The following SLC27A2 variants were observed in gnomAD, a reference collection of about 807,000 sequenced individuals.
SLC27A2 encodes the protein solute carrier family 27 member 2.
SLC27A2 carries 54 observed loss-of-function variants against 60.0 expected under a neutral mutation model. That is an observed-to-expected ratio of 0.90 (90% CI 0.72 to 1.13). The LOEUF (loss-of-function observed/expected upper bound fraction) is 1.13, where lower values mean the gene tolerates loss of function less well. Among genes scored for constraint, SLC27A2 ranks in the 50% most tolerant of loss-of-function variants. The pLI, the probability that SLC27A2 is intolerant of heterozygous loss-of-function variation, is 0.00. For synonymous variants in SLC27A2, 297 were observed against 297.6 expected, an observed-to-expected ratio of 1.00 and a Z score of 0.02; for missense variants, 739 against 777.6, an observed-to-expected ratio of 0.95 and a Z score of 0.59.
intron 9 of SLC27A2, among the ~76,000 whole-genome samples, chr15:50,235,629 C>A (rs769679690): frequency 4.6e-5 from 7 of 152,312 alleles, no homozygotes; most frequent in South Asian, 2.1e-4. Flanking sequence ...GCCCCTACCA[C>A]AAAAATGATA....
At chr15:50,196,068 AAAAAAAAAAATATATATATATATATAT>A (rs1269693104) in intron 1 of SLC27A2, among the ~76,000 whole-genome samples, 10 of 17,180 alleles carry the variant, frequency 5.8e-4, no homozygotes, top group South Asian at 2.6e-3. Flanking sequence ...AAAAAAAAAA[AAAAAAAAAAATATATATATATATATAT>A]ATATATATAT....
intron 1 of SLC27A2, 92 bp downstream of exon 1, chr15:50,182,997 AG>A: frequency 3.1e-6 from 4 of 1,308,566 alleles, no homozygotes; most frequent in Non-Finnish European, 4.2e-6. Context: ...TCGCAGAGGG[AG>A]GTTCAGATCG....
chr15:50,219,488 G>A (rs1274591015), intron 4 of SLC27A2, among the ~76,000 whole-genome samples: 1 of 151,338 alleles, frequency 6.6e-6, no homozygotes, highest in African/African-American at 2.4e-5. Flanking sequence ...GTAAGGAGGG[G>A]CAGCACAGTG....
chr15:50,189,030 C>G lies in SLC27A2; in HGVS notation c.478+6125C>G, dbSNP rs12908631. 6.2e-3 allele frequency among the ~76,000 whole-genome samples: 863 copies of G among 140,170 alleles called. 10 individuals carry two copies. Among genetic ancestry groups the G allele is most frequent in the African/African-American group, 0.021 (810 of 38,024 alleles). The allele number at this position is 140,170 out of a possible 152,430, so 92.0% of individuals were successfully genotyped here. A position where few individuals can be genotyped will look rare whatever the true frequency, so the allele number is the denominator to read the frequency against. On this transcript the variant is annotated intron_variant, in intron 1 of 9. Coordinates refer to ENST00000267842, the MANE Select transcript of SLC27A2 (RefSeq NM_003645.4). ...AGATAGATAGATAGATAGATAGATG[C>G]ATACAAACATACATACATACATACA... is the stretch of plus-strand genomic sequence containing the variant.
intron 4 of SLC27A2, among the ~76,000 whole-genome samples, chr15:50,206,709 C>T (rs186021802): frequency 0.01 from 1,589 of 152,300 alleles, 18 homozygotes; most frequent in Non-Finnish European, 0.016. Context: ...CGCATATGAG[C>T]AGGGGCTCTG....
intron 1 of SLC27A2, among the ~76,000 whole-genome samples, chr15:50,192,963 C>T (rs1255325387): frequency 6.6e-6 from 1 of 152,102 alleles, no homozygotes; most frequent in Non-Finnish European, 1.5e-5. Flanking sequence ...CTTCTCTCTA[C>T]CCACACTGCT....
chr15:50,213,563 T>C (rs1325444584), intron 4 of SLC27A2, among the ~76,000 whole-genome samples: 3 of 152,096 alleles, frequency 2.0e-5, no homozygotes, highest in Non-Finnish European at 2.9e-5. Flanking sequence ...TGGTGGCCCA[T>C]AAAATGAACT....
chr15:50,182,664 C>A lies in SLC27A2; in HGVS notation c.237C>A (p.Leu79=), dbSNP rs2044870725. The change falls in exon 1 of 10, where the codon CTC becomes CTA. Residue 79 remains leucine (L), a synonymous_variant. Transcript: ENST00000267842. ...KPFLLFRDET[L]TYAQVDRRSN... ...TTCTGCTCTTCCGCGACGAGACTCT[C>A]ACCTACGCGCAGGTGGACCGGCGCA... 5.0e-6 allele frequency: 8 copies of A among 1,613,904 alleles called. No individual in the cohort carries two copies. Among genetic ancestry groups the A allele is most frequent in the Non-Finnish European group, 3.4e-6 (4 of 1,179,940 alleles).
rs1045974258 is a variant in SLC27A2 at position 50,204,923 on chromosome 15, A to AAT, written c.848-303_848-302dup. Among the ~76,000 whole-genome samples, 861 of 146,816 alleles carry AAT rather than the reference A, an allele frequency of 5.9e-3. 5 individuals are homozygous for AAT. The highest frequency in any genetic ancestry group is 0.016 in the African/African-American group (666 of 40,426). On this transcript the variant is annotated intron_variant, in intron 3 of 9. Transcript: ENST00000267842. ...CATATATTTAGTATATATATAATAT[A>AAT]ATATATATATATATTGCATGAAATC... is the stretch of plus-strand genomic sequence containing the variant.
Position 50,233,905 on chromosome 15 carries a change from G to T in SLC27A2, c.1593G>T (p.Met531Ile), listed in dbSNP as rs748810155. The change falls in exon 9 of 10, where the codon ATG becomes ATT. Residue 531 changes from methionine to isoleucine, a missense_variant. Physicochemically the swap from Met to Ile is conservative, Grantham distance 10 (BLOSUM62 1). Transcript: ENST00000267842. The stretch of plus-strand genomic sequence containing the variant: ...GCATTGGCATGGCCTCCATCAAAAT[G>T]AAAGAAAACCATGAATTTGATGGAA... ...EGRIGMASIK[M>I]KENHEFDGKK... 5 of 1,613,730 alleles carry T rather than the reference G, an allele frequency of 3.1e-6. No homozygotes were observed. Among genetic ancestry groups the T allele is most frequent in the Non-Finnish European group, 4.2e-6 (5 of 1,179,856 alleles).
At chr15:50,206,679 C>T (rs1047220741) in intron 4 of SLC27A2, among the ~76,000 whole-genome samples, 4 of 152,170 alleles carry the variant, frequency 2.6e-5, no homozygotes, top group Non-Finnish European at 5.9e-5. Context: ...TGCCCCCCCT[C>T]GCCCCAATTA....
intron 1 of SLC27A2, among the ~76,000 whole-genome samples, chr15:50,189,793 G>A (rs2044959241): frequency 6.6e-6 from 1 of 152,190 alleles, no homozygotes; most frequent in Non-Finnish European, 1.5e-5. Context: ...ATCATTGGTA[G>A]AAAGATGACA....
rs1259961446 is a variant in SLC27A2, at chr15:50,223,007, A to AAT, written c.1016_1017dup (p.Gly340MetfsTer34). On this transcript the variant is annotated frameshift_variant, in exon 5 of 10. Transcript: ENST00000267842. LOFTEE classifies it high-confidence loss of function. ...TCATAAAGTGAGACTGGCACTGGGA[A>AAT]ATGGCTTACGAGGAGATGTGTGGAG... 6.2e-7 allele frequency: 1 copy of AAT among 1,613,634 alleles called. No individual in the cohort carries two copies. The highest frequency in any genetic ancestry group is 8.5e-7 in the Non-Finnish European group (1 of 1,179,802).
At chr15:50,232,018 A>T (rs1212932679) in intron 8 of SLC27A2, among the ~76,000 whole-genome samples, 2 of 152,232 alleles carry the variant, frequency 1.3e-5, no homozygotes. Context: ...GATAAATTCT[A>T]AAGTCCCTCC....
At chr15:50,228,000 C>T (rs1340840973) in intron 7 of SLC27A2, among the ~76,000 whole-genome samples, 1 of 152,164 alleles carries the variant, frequency 6.6e-6, no homozygotes, top group Non-Finnish European at 1.5e-5. Flanking sequence ...AGGGTCCTTC[C>T]ATCTCTACTA....
Position 50,182,773 on chromosome 15 carries a change from G to C in SLC27A2, c.346G>C (p.Ala116Pro). The C allele has an allele frequency of 1.2e-6, 2 of 1,613,876 alleles. No homozygotes were observed. Among genetic ancestry groups the C allele is most frequent in the African/African-American group, 1.3e-5 (1 of 75,066 alleles). Residue 116 changes from alanine (A) to proline (P), a missense_variant, in exon 1 of 10, where the codon GCC (alanine) becomes CCC (proline). Coordinates refer to ENST00000267842, the MANE Select transcript of SLC27A2 (RefSeq NM_003645.4). ...GGCGCTCCTTATGGGTAACGAGCCG[G>C]CCTACGTGTGGCTGTGGCTGGGGCT... The part of the protein sequence containing the change: ...CVALLMGNEP[A>P]YVWLWLGLVK...
intron 9 of SLC27A2, 58 bp downstream of exon 9, chr15:50,234,056 A>C: frequency 1.4e-6 from 2 of 1,470,790 alleles, no homozygotes; most frequent in Non-Finnish European, 1.8e-6. Context: ...CCTACCACTT[A>C]GGGAACAACT....
Position 50,235,918 on chromosome 15 carries a change from A to G in SLC27A2, c.1687-2A>G. 6.2e-7 allele frequency: 1 copy of G among 1,603,744 alleles called. No individual in the cohort carries two copies. Among genetic ancestry groups the G allele is most frequent in the Non-Finnish European group, 8.5e-7 (1 of 1,172,918 alleles). On this transcript the variant is annotated splice_acceptor_variant, in intron 9 of 9. Coordinates refer to ENST00000267842, the MANE Select transcript of SLC27A2 (RefSeq NM_003645.4). LOFTEE classifies it high-confidence loss of function. ...AAATGTGGATTATTTGATGTTTTTC[A>G]GGACACCATTGAGATCACTGGAACT...
In SLC27A2 at chr15:50,182,437, G is replaced by T. The variant is rs2044862386; in HGVS notation, c.10G>T (p.Ala4Ser). ...GGGCCCCGCAGCCGTCATGCTTTCC[G>T]CCATCTACACAGTCCTGGCGGGACT... is the stretch of plus-strand genomic sequence containing the variant. MLS[A>S]IYTVLAGLLF... is the part of the protein sequence containing the mutation. The change falls in exon 1 of 10, where the codon GCC (alanine) becomes TCC (serine). Residue 4 changes from alanine to serine, a missense_variant. Transcript: ENST00000267842. 6.3e-7 allele frequency: 1 copy of T among 1,594,814 alleles called. No individual in the cohort carries two copies. The highest frequency in any genetic ancestry group is 8.6e-7 in the Non-Finnish European group (1 of 1,167,618).
Sources: gnomAD v4.1 joint callset for allele counts (sites outside exome capture counted in the v4.1 genomes callset) on GRCh38, gnomAD v4.1.1 for gene constraint, MANE v1.5 for transcripts, NCBI Gene and HGNC (gene_info 2026-07-23, HGNC 2026-07-21) for gene names.